DSE: variants seen among roughly 807,000 people sequenced by gnomAD.
The protein encoded by DSE is dermatan sulfate epimerase, also known as dermatan-sulfate epimerase.
DSE carries 36 observed loss-of-function variants against 84.4 expected under a neutral mutation model. The observed-to-expected ratio is 0.43, with a 90% confidence interval of 0.33 to 0.56. DSE has a LOEUF of 0.56. Among genes scored for constraint, DSE ranks in the 20% least tolerant of loss-of-function variants. The probability of loss-of-function intolerance (pLI) is 0.06; values close to 1 mark genes in which losing one functional copy is unlikely to be tolerated. For synonymous variants in DSE, 410 were observed against 430.1 expected, an observed-to-expected ratio of 0.95 and a Z score of 0.58; for missense variants, 862 against 1,169.6, an observed-to-expected ratio of 0.74 and a Z score of 3.84.
chr6:116,336,470 A>G lies in DSE; in HGVS notation c.-53-62728A>G, dbSNP rs1386300379. ...TTTGCTTGCATGTTTTAAAGAAAAA[A>G]GTAGGCCGGGCGCAGTGGCTCACGC... On this transcript the variant is annotated intron_variant, in intron 2 of 3. Transcript: ENST00000430252. Among the ~76,000 whole-genome samples, 4 of 152,314 alleles carry G rather than the reference A, an allele frequency of 2.6e-5. No homozygotes were observed. The East Asian group carries it at 7.7e-4, about 29-fold the overall frequency.
intron 2 of DSE, among the ~76,000 whole-genome samples, chr6:116,404,636 A>C (rs780722133): frequency 9.2e-5 from 14 of 152,270 alleles, no homozygotes; most frequent in Non-Finnish European, 2.1e-4. Flanking sequence ...GAAGTAATGC[A>C]TATAAAGCTC....
In DSE at chr6:116,437,420, G is replaced by T; in HGVS notation, c.*75G>T. 2 of 1,322,306 alleles carry T rather than the reference G, an allele frequency of 1.5e-6. No individual in the cohort carries two copies. The highest frequency in any genetic ancestry group is 2.5e-5 in the East Asian group (1 of 39,394). The allele number at this position is 1,322,306 out of a possible 1,614,324, so 81.9% of individuals were successfully genotyped here. A position where few individuals can be genotyped will look rare whatever the true frequency, so the allele number is the denominator to read the frequency against. ...CAAAAAAAAAAATTTCTTTACCCCAGATTATCAGATTTTTTTCCCTCAGAT... is the reference window on the plus strand; with the variant it reads ...CAAAAAAAAAAATTTCTTTACCCCATATTATCAGATTTTTTTCCCTCAGAT... On this transcript the variant is annotated 3_prime_UTR_variant, in exon 6 of 6. Transcript: ENST00000644252.
chr6:116,405,234 T>C (rs1411716556), intron 2 of DSE, among the ~76,000 whole-genome samples: 1 of 152,188 alleles, frequency 6.6e-6, no homozygotes, highest in African/African-American at 2.4e-5. Flanking sequence ...CAGCTGTTTC[T>C]CGGGTTTTTC....
intron 2 of DSE, among the ~76,000 whole-genome samples, chr6:116,261,419 G>A (rs912266256): frequency 2.6e-5 from 4 of 152,062 alleles, no homozygotes; most frequent in Non-Finnish European, 4.4e-5. Flanking sequence ...CCCTCAGCTT[G>A]ACTGTTTTTG....
At chr6:116,258,905 G>C (rs554647081) in exon 2 of DSE, 2 of 1,586,320 alleles carry the variant, frequency 1.3e-6, no homozygotes, top group African/African-American at 2.7e-5. Flanking sequence ...TTAGTAAGGC[G>C]CTCCACAATG....
intron 2 of DSE, among the ~76,000 whole-genome samples, chr6:116,404,304 A>C (rs186361439): frequency 2.8e-4 from 43 of 152,384 alleles, no homozygotes; most frequent in Admixed American, 7.2e-4. Flanking sequence ...TTCACTTAAT[A>C]ATATGGGAAG....
chr6:116,357,919 G>A (rs1005056586), intron 2 of DSE, among the ~76,000 whole-genome samples: 12 of 152,166 alleles, frequency 7.9e-5, no homozygotes, highest in African/African-American at 2.9e-4. Context: ...TCAAGTTTAA[G>A]CTGATCTGTC....
intron 1 of DSE, among the ~76,000 whole-genome samples, chr6:116,390,177 C>G (rs1166242122): frequency 6.6e-6 from 1 of 152,002 alleles, no homozygotes; most frequent in Non-Finnish European, 1.5e-5. Flanking sequence ...AAGCGATCCT[C>G]CCACCTCAGC....
intron 2 of DSE, among the ~76,000 whole-genome samples, chr6:116,407,340 A>G: frequency 6.6e-6 from 1 of 152,146 alleles, no homozygotes; most frequent in Non-Finnish European, 1.5e-5. Flanking sequence ...GGTTTGTGGG[A>G]GAGAAAAGAT....
chr6:116,388,835 A>G (rs1168306861), intron 1 of DSE, among the ~76,000 whole-genome samples: 1 of 152,094 alleles, frequency 6.6e-6, no homozygotes, highest in Non-Finnish European at 1.5e-5. Flanking sequence ...TAGATTGGTA[A>G]TTGCTTTTTT....
At chr6:116,282,477 A>G (rs1016462939) in intron 2 of DSE, among the ~76,000 whole-genome samples, 3 of 152,192 alleles carry the variant, frequency 2.0e-5, no homozygotes, top group African/African-American at 7.2e-5. Context: ...TAATGCTAGG[A>G]AAACTCTAAT....
At chr6:116,379,768 G>C (rs910912547) in intron 1 of DSE, among the ~76,000 whole-genome samples, 7 of 152,124 alleles carry the variant, frequency 4.6e-5, no homozygotes, top group African/African-American at 1.4e-4. Flanking sequence ...TTTAAATTAA[G>C]AAATGTCATT....
chr6:116,359,203 G>T (rs1378147830), intron 2 of DSE, among the ~76,000 whole-genome samples: 1 of 151,908 alleles, frequency 6.6e-6, no homozygotes, highest in East Asian at 1.9e-4. Context: ...TTAAAGAAAA[G>T]GTTTGAAGAA....
intron 2 of DSE, among the ~76,000 whole-genome samples, chr6:116,320,762 C>G (rs1246514521): frequency 6.6e-6 from 1 of 152,114 alleles, no homozygotes; most frequent in Non-Finnish European, 1.5e-5. Context: ...TTCCAATTTT[C>G]TGTTCTTATA....
At chr6:116,339,131 T>G (rs1387153107) in intron 2 of DSE, among the ~76,000 whole-genome samples, 1 of 152,208 alleles carries the variant, frequency 6.6e-6, no homozygotes, top group South Asian at 2.1e-4. Context: ...TCCACCCCAG[T>G]CCTGTCCGTC....
At chr6:116,381,897 C>T (rs1780249474) in intron 1 of DSE, among the ~76,000 whole-genome samples, 1 of 152,120 alleles carries the variant, frequency 6.6e-6, no homozygotes, top group South Asian at 2.1e-4. Flanking sequence ...AATCTGTCAG[C>T]AGACTGTTTC....
At chr6:116,324,699 G>T (rs1776523055) in intron 2 of DSE, among the ~76,000 whole-genome samples, 1 of 152,168 alleles carries the variant, frequency 6.6e-6, no homozygotes, top group African/African-American at 2.4e-5. Context: ...CCTCTCATTG[G>T]TAGCTCGAGG....
At chr6:116,302,310 T>G (rs1775085957) in intron 2 of DSE, among the ~76,000 whole-genome samples, 2 of 152,350 alleles carry the variant, frequency 1.3e-5, no homozygotes, top group South Asian at 4.1e-4. Context: ...GTTTCCTGAC[T>G]TTTTAATGAT....
chr6:116,443,092 G>A lies in DSE; in HGVS notation c.*5747G>A, dbSNP rs1353459121. On this transcript the variant is annotated 3_prime_UTR_variant, in exon 6 of 6. Coordinates refer to ENST00000644252, the MANE Select transcript of DSE (RefSeq NM_013352.4). ...GGCAATTTTAGCTTCAGTGTAGAGA[G>A]TGGACCCAATGGGGAAGAGGTTAGG... is the stretch of plus-strand genomic sequence containing the variant. 1 of 152,186 alleles carries A rather than the reference G, an allele frequency of 6.6e-6. No homozygotes were observed. Among genetic ancestry groups the A allele is most frequent in the Non-Finnish European group, 1.5e-5 (1 of 68,030 alleles). The allele number at this position is 152,186 out of a possible 1,614,324, so 9.4% of individuals were successfully genotyped here.
Sources: allele counts gnomAD v4.1 joint callset (sites outside exome capture counted in the v4.1 genomes callset), GRCh38; gene constraint gnomAD v4.1.1; transcripts MANE v1.5; gene names NCBI Gene and HGNC (gene_info 2026-07-23, HGNC 2026-07-21).